Variants in GRIK3 observed in about 807,000 individuals in gnomAD.
GRIK3 encodes glutamate ionotropic receptor kainate type subunit 3, also known as glutamate receptor ionotropic, kainate 3.
GRIK3 carries 29 observed loss-of-function variants against 102.5 expected under a neutral mutation model. The observed-to-expected ratio is 0.28, with a 90% CI of 0.21 to 0.39. GRIK3 has a LOEUF of 0.39. Among genes scored for constraint, GRIK3 ranks in the 10% least tolerant of loss-of-function variants. GRIK3 has a pLI of 1.00. For synonymous variants in GRIK3, 511 were observed against 504.9 expected, an observed-to-expected ratio of 1.01 and a Z score of -0.16; for missense variants, 908 against 1,252.4, an observed-to-expected ratio of 0.73 and a Z score of 4.15.
intron 1 of GRIK3, among the ~76,000 whole-genome samples, chr1:36,980,388 C>T (rs987492178): frequency 1.2e-4 from 18 of 151,860 alleles, no homozygotes; most frequent in Non-Finnish European, 2.2e-4. Context: ...CATGAAGGTG[C>T]CATGCTGCTT....
intron 8 of GRIK3, among the ~76,000 whole-genome samples, chr1:36,852,656 C>T (rs375890029): frequency 6.6e-6 from 1 of 152,170 alleles, no homozygotes; most frequent in African/African-American, 2.4e-5. Context: ...ATGCTTGAAC[C>T]AGGGCACTGC....
At chr1:36,890,212 C>T (rs1641098671) in intron 2 of GRIK3, among the ~76,000 whole-genome samples, 1 of 152,114 alleles carries the variant, frequency 6.6e-6, no homozygotes, top group African/African-American at 2.4e-5. Context: ...CCTGTAATCC[C>T]AGTACTCTGG....
At chr1:36,853,972 T>C (rs979748981) in intron 7 of GRIK3, among the ~76,000 whole-genome samples, 2 of 152,164 alleles carry the variant, frequency 1.3e-5, no homozygotes, top group Non-Finnish European at 2.9e-5. Context: ...TTGGATGCGC[T>C]CAAATGAGCC....
chr1:36,820,849 T>G (rs987683088), intron 11 of GRIK3, among the ~76,000 whole-genome samples: 1 of 152,228 alleles, frequency 6.6e-6, no homozygotes, highest in African/African-American at 2.4e-5. Flanking sequence ...ACCTACTGCC[T>G]TCTAAGGAAG....
At chr1:36,986,851 C>T (rs1305990018) in intron 1 of GRIK3, among the ~76,000 whole-genome samples, 5 of 152,196 alleles carry the variant, frequency 3.3e-5, no homozygotes, top group African/African-American at 1.2e-4. Flanking sequence ...AGTTTTAGCT[C>T]CACAATTAAT....
rs570628207 is a variant in GRIK3 at position 36,865,909 on chromosome 1, TG to T, written c.786+3838del. 3.2e-4 allele frequency among the ~76,000 whole-genome samples: 49 copies of T among 152,342 alleles called. 2 individuals are homozygous for T. Among genetic ancestry groups the T allele is most frequent in the Admixed American group, 2.9e-3 (45 of 15,310 alleles). On this transcript the variant is annotated intron_variant, in intron 5 of 15. Coordinates refer to ENST00000373091, the MANE Select transcript of GRIK3 (RefSeq NM_000831.4). ...CTTTCTTTTTTAAAGTGACAGGGTC[TG>T]GCTCTGTCCCCTAGGCTGGAGTGCA...
chr1:36,925,473 T>C (rs1049970458), intron 1 of GRIK3, among the ~76,000 whole-genome samples: 3 of 152,258 alleles, frequency 2.0e-5, no homozygotes, highest in Non-Finnish European at 4.4e-5. Flanking sequence ...ATAACAGCAT[T>C]GGCAGCCACC....
rs191852828 is a variant in GRIK3, at chr1:36,897,690, G to A, written c.116-6594C>T. Among the ~76,000 whole-genome samples the A allele has an allele frequency of 8.6e-4, 131 of 152,310 alleles. 1 individual carries two copies. The highest frequency in any genetic ancestry group is 3.2e-3 in the African/African-American group (131 of 41,576). On this transcript the variant is annotated intron_variant, in intron 1 of 15. Coordinates refer to ENST00000373091, the MANE Select transcript of GRIK3 (RefSeq NM_000831.4). ...AAAAGGGAACCCTCATACCATGTTG[G>A]TGGGAATGTGAATTAGGACAACCAC... is the stretch of plus-strand genomic sequence containing the variant.
intron 1 of GRIK3, among the ~76,000 whole-genome samples, chr1:36,957,138 A>T (rs1356199835): frequency 6.6e-6 from 1 of 152,192 alleles, no homozygotes; most frequent in Non-Finnish European, 1.5e-5. Context: ...CCCTCATCAG[A>T]TTGGCTGATT....
chr1:36,841,167 T>A (rs1184624299), intron 10 of GRIK3, among the ~76,000 whole-genome samples: 1 of 152,122 alleles, frequency 6.6e-6, no homozygotes, highest in Non-Finnish European at 1.5e-5. Flanking sequence ...CCTGCCTGCT[T>A]GGGCTCCCAG....
intron 8 of GRIK3, among the ~76,000 whole-genome samples, chr1:36,852,746 C>T (rs1640599612): frequency 6.6e-6 from 1 of 152,212 alleles, no homozygotes; most frequent in South Asian, 2.1e-4. Context: ...GGCTTCTGCT[C>T]ACTACATTTC....
chr1:36,912,127 T>C (rs1641351952), intron 1 of GRIK3, among the ~76,000 whole-genome samples: 1 of 152,164 alleles, frequency 6.6e-6, no homozygotes, highest in South Asian at 2.1e-4. Flanking sequence ...TCGCTTTTCC[T>C]TCTTTCTCTG....
In GRIK3 at chr1:36,819,960, T is replaced by A. The variant is rs1642679089; in HGVS notation, c.1755-106A>T. The A allele has an allele frequency of 1.5e-6, 1 of 681,862 alleles. No individual in the cohort carries two copies. 42.2% of individuals were successfully genotyped at this position (681,862 alleles called of 1,614,324 possible). ...GCTGTGCCAGCCGCCTCAGCGTCAA[T>A]ATCCTCATGGTTCTGCTGGGAGGCA... On this transcript the variant is annotated intron_variant, in intron 11 of 15. Transcript: ENST00000373091. This position sits in a 1 kb window ranked among gnomAD's most constrained non-coding sequence, Gnocchi z 4.1.
At chr1:36,895,017 A>G (rs1328941332) in intron 1 of GRIK3, among the ~76,000 whole-genome samples, 1 of 152,124 alleles carries the variant, frequency 6.6e-6, no homozygotes. Context: ...CACCCTAGCC[A>G]TCCTATCCCT....
chr1:36,973,671 C>T (rs1269850862), intron 1 of GRIK3, among the ~76,000 whole-genome samples: 1 of 151,764 alleles, frequency 6.6e-6, no homozygotes, highest in Non-Finnish European at 1.5e-5. Context: ...TCAGGTGATC[C>T]ACCTACCTTG....
intron 1 of GRIK3, among the ~76,000 whole-genome samples, chr1:36,995,483 C>T (rs1355930986): frequency 6.6e-6 from 1 of 152,186 alleles, no homozygotes; most frequent in African/African-American, 2.4e-5. Flanking sequence ...TTTCTCTAAG[C>T]CTGTTCTGTA....
At chr1:36,897,430 G>A (rs987860622) in intron 1 of GRIK3, among the ~76,000 whole-genome samples, 1 of 152,128 alleles carries the variant, frequency 6.6e-6, no homozygotes, top group African/African-American at 2.4e-5. Context: ...CTTAACCAAG[G>A]AGATGAAAGA....
At chr1:36,954,204 C>A (rs966306960) in intron 1 of GRIK3, among the ~76,000 whole-genome samples, 1 of 152,206 alleles carries the variant, frequency 6.6e-6, no homozygotes, top group Admixed American at 6.5e-5. Flanking sequence ...AAGCTCTCAC[C>A]CCTCACCAAG....
At position 36,802,174 on chromosome 1, in the gene GRIK3, C is replaced by A. The variant is rs1048551726; in HGVS notation, c.2566-129G>T. 2.8e-5 allele frequency: 17 copies of A among 608,480 alleles called. No individual in the cohort carries two copies. In the East Asian group the frequency reaches 4.9e-4, roughly 18 times the overall value. The allele number at this position is 608,480 out of a possible 1,614,324, so 37.7% of individuals were successfully genotyped here. ...GTTACCCGTCTTTCTCACACCTTCA[C>A]CCCACCCATCCCTCTGCCACCTGCA... On this transcript the variant is annotated intron_variant, in intron 15 of 15. Coordinates refer to ENST00000373091, the MANE Select transcript of GRIK3 (RefSeq NM_000831.4).
Sources: allele counts gnomAD v4.1 joint callset (sites outside exome capture counted in the v4.1 genomes callset), GRCh38; gene constraint gnomAD v4.1.1; non-coding constraint Gnocchi (gnomAD v3.1); transcripts MANE v1.5; gene names NCBI Gene and HGNC (gene_info 2026-07-23, HGNC 2026-07-21).